GPC5: variants seen among roughly 807,000 people sequenced by gnomAD.
The protein encoded by GPC5 is glypican-5.
In GPC5, 47 loss-of-function variants were observed where a neutral mutation model predicts 53.9. That is an observed-to-expected ratio of 0.87 (90% CI 0.69 to 1.11). The LOEUF is 1.11. GPC5 is among the 50% of genes most tolerant of loss of function. GPC5 has a pLI of 0.00. For missense variants in GPC5, 748 were observed against 713.1 expected (o/e 1.05, Z -0.56); for synonymous variants, 286 against 263.3 (o/e 1.09, Z -0.84).
chr13:92,109,061 GTTTT>G (rs35762919), intron 6 of GPC5, among the ~76,000 whole-genome samples: 17 of 87,514 alleles, frequency 1.9e-4, no homozygotes, highest in African/African-American at 6.3e-4. Context: ...CAATATGTTG[GTTTT>G]TTTTTTTTTT....
intron 1 of GPC5, among the ~76,000 whole-genome samples, chr13:91,425,066 T>C (rs978145632): frequency 2.6e-5 from 4 of 152,212 alleles, no homozygotes; most frequent in African/African-American, 9.6e-5. Context: ...AATTGTTAAA[T>C]GAACTGTTTA....
intron 7 of GPC5, among the ~76,000 whole-genome samples, chr13:92,367,315 A>C (rs1335782946): frequency 2.0e-5 from 3 of 152,168 alleles, no homozygotes; most frequent in Non-Finnish European, 2.9e-5. Flanking sequence ...ACAATATTTA[A>C]TTTTAATAAG....
At chr13:91,577,341 T>C (rs972912921) in intron 2 of GPC5, among the ~76,000 whole-genome samples, 7 of 152,164 alleles carry the variant, frequency 4.6e-5, no homozygotes, top group African/African-American at 1.7e-4. Flanking sequence ...AAATATAATA[T>C]CGCAGTGGGG....
At chr13:92,392,229 G>T (rs1594162607) in intron 7 of GPC5, among the ~76,000 whole-genome samples, 1 of 152,038 alleles carries the variant, frequency 6.6e-6, no homozygotes, top group East Asian at 1.9e-4. Flanking sequence ...ACCTTGTCTT[G>T]TGGCCCATGG....
intron 5 of GPC5, among the ~76,000 whole-genome samples, chr13:91,779,641 G>A (rs1267914038): frequency 1.3e-5 from 2 of 152,208 alleles, no homozygotes; most frequent in East Asian, 1.9e-4. Context: ...GATTACAGGA[G>A]TGAGGCACTG....
At chr13:91,677,622 C>T (rs1056260463) in intron 2 of GPC5, among the ~76,000 whole-genome samples, 5 of 151,866 alleles carry the variant, frequency 3.3e-5, no homozygotes, top group African/African-American at 1.2e-4. Flanking sequence ...TTGATCTTGC[C>T]CTGCAAAATT....
At chr13:91,904,672 G>A (rs563126951) in intron 5 of GPC5, among the ~76,000 whole-genome samples, 1 of 152,118 alleles carries the variant, frequency 6.6e-6, no homozygotes, top group South Asian at 2.1e-4. Flanking sequence ...AGAGGTAGAT[G>A]TTAAAAAGGG....
intron 7 of GPC5, among the ~76,000 whole-genome samples, chr13:92,282,592 T>G (rs1594065001): frequency 6.6e-6 from 1 of 152,222 alleles, no homozygotes; most frequent in East Asian, 1.9e-4. Flanking sequence ...GGGCCAATAT[T>G]CAACATTCTT....
rs373129301 is a variant in GPC5, at chr13:92,308,141, A to G, written c.1561+163152A>G. 2.6e-5 allele frequency among the ~76,000 whole-genome samples: 4 copies of G among 152,266 alleles called. No individual in the cohort carries two copies. The East Asian group carries it at 5.8e-4, about 22-fold the overall frequency. ...AAAAATAACTTTGTTCAATGCCGTG[A>G]TTTTCTATTACTACTTTTGTAACCT... On this transcript the variant is annotated intron_variant, in intron 7 of 7. Transcript: ENST00000377067.
chr13:92,695,796 C>A (rs2139240867), intron 7 of GPC5, among the ~76,000 whole-genome samples: 1 of 151,782 alleles, frequency 6.6e-6, no homozygotes, highest in Admixed American at 6.6e-5. Context: ...TTGTTTGTGG[C>A]ACCTATCAAC....
chr13:91,496,820 G>C lies in GPC5; in HGVS notation c.325+47898G>C, dbSNP rs1018432040. ...CAAAAGATGAATGCTTGAGGGGATG[G>C]ATACCCCATTTTCCATGATGTGAAT... On this transcript the variant is annotated intron_variant, in intron 2 of 7. Coordinates refer to ENST00000377067, the MANE Select transcript of GPC5 (RefSeq NM_004466.6). 3.9e-5 allele frequency among the ~76,000 whole-genome samples: 6 copies of C among 152,190 alleles called. No individual in the cohort carries two copies. The East Asian group carries it at 1.2e-3, about 29-fold the overall frequency.
At chr13:91,743,664 T>C (rs900970912) in intron 4 of GPC5, among the ~76,000 whole-genome samples, 2 of 152,134 alleles carry the variant, frequency 1.3e-5, no homozygotes, top group Non-Finnish European at 2.9e-5. Flanking sequence ...GTCTTCGAAC[T>C]AGTAGAAAAA....
intron 2 of GPC5, among the ~76,000 whole-genome samples, 178 bp downstream of exon 2, chr13:91,449,100 G>A (rs1881006065): frequency 6.6e-6 from 1 of 152,112 alleles, no homozygotes; most frequent in Non-Finnish European, 1.5e-5. Context: ...CATTGTGGGA[G>A]TATATACTGA....
At chr13:91,928,247 A>G (rs1475590417) in intron 6 of GPC5, among the ~76,000 whole-genome samples, 1 of 152,190 alleles carries the variant, frequency 6.6e-6, no homozygotes, top group African/African-American at 2.4e-5. Flanking sequence ...TATCAGTTCC[A>G]CTTGGAGACA....
At chr13:91,775,418 C>G (rs1436027639) in intron 5 of GPC5, among the ~76,000 whole-genome samples, 2 of 152,150 alleles carry the variant, frequency 1.3e-5, no homozygotes, top group Non-Finnish European at 2.9e-5. Context: ...TCTGCTACCT[C>G]CCTTGCAAAC....
chr13:91,588,891 T>C (rs2032695870), intron 2 of GPC5, among the ~76,000 whole-genome samples: 1 of 152,144 alleles, frequency 6.6e-6, no homozygotes, highest in South Asian at 2.1e-4. Context: ...TCTTCTTCCC[T>C]TTTTACCAAA....
intron 5 of GPC5, among the ~76,000 whole-genome samples, chr13:91,878,763 C>T (rs1043853093): frequency 1.2e-4 from 18 of 152,134 alleles, no homozygotes; most frequent in African/African-American, 3.4e-4. Flanking sequence ...TTCCTGAGAC[C>T]TCCCCAGCCA....
At chr13:92,308,477 A>C (rs1192705534) in intron 7 of GPC5, among the ~76,000 whole-genome samples, 2 of 152,198 alleles carry the variant, frequency 1.3e-5, no homozygotes, top group Non-Finnish European at 2.9e-5. Flanking sequence ...TGCAGAACTC[A>C]AAATACATAA....
At chr13:92,737,761 T>C (rs1327757161) in intron 7 of GPC5, among the ~76,000 whole-genome samples, 5 of 56,316 alleles carry the variant, frequency 8.9e-5, no homozygotes, top group African/African-American at 2.7e-4. Context: ...TTTTTTTTTC[T>C]TTTTCTTTTT....
Sources: allele counts gnomAD v4.1 joint callset (sites outside exome capture counted in the v4.1 genomes callset), GRCh38; gene constraint gnomAD v4.1.1; transcripts MANE v1.5; gene names NCBI Gene and HGNC (gene_info 2026-07-23, HGNC 2026-07-21).